The following CHSY3 variants were observed in gnomAD, a reference collection of about 807,000 sequenced individuals.
The protein encoded by CHSY3 is N-acetylgalactosaminyl-proteoglycan 3-beta-glucuronosyltransferase 3.
CHSY3 carries 35 observed loss-of-function variants against 67.2 expected under a neutral mutation model. The observed-to-expected ratio is 0.52, with a 90% CI of 0.40 to 0.69. The LOEUF is 0.69. CHSY3 is among the 30% of genes least tolerant of loss of function. CHSY3 has a pLI of 0.00. For synonymous variants in CHSY3, 474 were observed against 434.7 expected, an observed-to-expected ratio of 1.09 and a Z score of -1.12; for missense variants, 1,069 against 1,138.5, an observed-to-expected ratio of 0.94 and a Z score of 0.88.
intron 2 of CHSY3, among the ~76,000 whole-genome samples, chr5:129,993,138 AGCTTATGTGACAT>A (rs1229066784): frequency 1.3e-5 from 2 of 152,156 alleles, no homozygotes; most frequent in Non-Finnish European, 2.9e-5. Flanking sequence ...TTAAGCTCAA[AGCTTATGTGACAT>A]GCTCAAGTTT....
At chr5:130,132,002 C>A (rs1199230381) in intron 2 of CHSY3, among the ~76,000 whole-genome samples, 4 of 152,178 alleles carry the variant, frequency 2.6e-5, no homozygotes, top group African/African-American at 4.8e-5. Context: ...CCCAAAGGCC[C>A]CCACTGGCCA....
chr5:130,018,018 T>C (rs1764262818), intron 2 of CHSY3, among the ~76,000 whole-genome samples: 1 of 152,328 alleles, frequency 6.6e-6, no homozygotes. Context: ...GGTAATCTGA[T>C]GTGGATCTTG....
intron 2 of CHSY3, among the ~76,000 whole-genome samples, chr5:129,945,457 T>A (rs1274957080): frequency 6.6e-6 from 1 of 152,136 alleles, no homozygotes; most frequent in East Asian, 1.9e-4. Flanking sequence ...AATACTTAAT[T>A]TATAAAATTT....
chr5:130,054,316 A>G (rs939606807), intron 2 of CHSY3, among the ~76,000 whole-genome samples: 4 of 152,160 alleles, frequency 2.6e-5, no homozygotes, highest in African/African-American at 9.7e-5. Context: ...GATATTAATC[A>G]TACTTAATCT....
intron 2 of CHSY3, among the ~76,000 whole-genome samples, chr5:130,038,758 A>T (rs1482311584): frequency 6.6e-6 from 1 of 152,126 alleles, no homozygotes; most frequent in African/African-American, 2.4e-5. Context: ...GGAATGGTTT[A>T]TCTGCACTGC....
At chr5:129,948,979 G>A (rs915176069) in intron 2 of CHSY3, among the ~76,000 whole-genome samples, 4 of 152,280 alleles carry the variant, frequency 2.6e-5, no homozygotes, top group Middle Eastern at 3.4e-3. Flanking sequence ...CCCACCCGGA[G>A]ATTGCAAAGG....
intron 2 of CHSY3, among the ~76,000 whole-genome samples, chr5:130,034,026 G>A (rs1465938459): frequency 2.0e-5 from 3 of 152,202 alleles, no homozygotes; most frequent in East Asian, 1.9e-4. Flanking sequence ...GAGGATCTGC[G>A]AATAACATCT....
At chr5:130,008,221 C>A (rs1561494389) in intron 2 of CHSY3, among the ~76,000 whole-genome samples, 1 of 152,074 alleles carries the variant, frequency 6.6e-6, no homozygotes, top group African/African-American at 2.4e-5. Flanking sequence ...TTGCTGCCCA[C>A]CCCCCATACC....
rs757142699 is a variant in CHSY3 at position 130,185,186 on chromosome 5, C to T, written c.2044C>T (p.Pro682Ser). The change falls in exon 3 of 3, where the codon CCC becomes TCC. Residue 682 changes from proline to serine, a missense_variant. By Grantham distance (74) the Pro-to-Ser change is moderately conservative. This residue lies in a region of CHSY3 where 401 missense variants were observed against 395.2 expected (regional missense o/e 1.01). Coordinates refer to ENST00000305031, the MANE Select transcript of CHSY3 (RefSeq NM_175856.5). Reference protein sequence around the residue: ...ELIKGYQNKYPKAEMTLIPMK... With the variant: ...ELIKGYQNKYSKAEMTLIPMK... ...GATAAAAGGGTACCAGAACAAGTAC[C>T]CCAAAGCAGAAATGACCCTGATCCC... is the stretch of plus-strand genomic sequence containing the variant. 6.2e-7 allele frequency: 1 copy of T among 1,611,476 alleles called. No homozygotes were observed. The highest frequency in any genetic ancestry group is 1.1e-5 in the South Asian group (1 of 91,010).
intron 2 of CHSY3, among the ~76,000 whole-genome samples, chr5:129,912,259 A>C (rs1425541255): frequency 6.6e-6 from 1 of 152,204 alleles, no homozygotes; most frequent in African/African-American, 2.4e-5. Flanking sequence ...ACAGATCTAC[A>C]TAAGGAAAAA....
chr5:130,158,529 A>C (rs1314572708), intron 2 of CHSY3, among the ~76,000 whole-genome samples: 1 of 152,224 alleles, frequency 6.6e-6, no homozygotes, highest in Non-Finnish European at 1.5e-5. Context: ...GATCAGATAA[A>C]AGGCATTTAT....
chr5:130,038,363 G>A (rs1297142916), intron 2 of CHSY3, among the ~76,000 whole-genome samples: 1 of 151,882 alleles, frequency 6.6e-6, no homozygotes, highest in Non-Finnish European at 1.5e-5. Flanking sequence ...TTCTTATTAA[G>A]CTCGAAAATA....
intron 2 of CHSY3, among the ~76,000 whole-genome samples, chr5:129,982,882 T>A (rs886981746): frequency 3.9e-5 from 6 of 152,098 alleles, no homozygotes; most frequent in African/African-American, 1.2e-4. Context: ...CAAAGCAGCT[T>A]TAAGAGTTAC....
At chr5:130,002,365 A>T (rs1226923195) in intron 2 of CHSY3, among the ~76,000 whole-genome samples, 1 of 152,128 alleles carries the variant, frequency 6.6e-6, no homozygotes, top group East Asian at 1.9e-4. Flanking sequence ...TGTGTTTAGG[A>T]TGCCAGCTGT....
At chr5:130,153,216 G>A (rs1769278851) in intron 2 of CHSY3, among the ~76,000 whole-genome samples, 1 of 152,026 alleles carries the variant, frequency 6.6e-6, no homozygotes, top group East Asian at 1.9e-4. Flanking sequence ...TCTAGCCTGG[G>A]GACCTGGGCA....
chr5:129,942,325 T>C (rs550626260), intron 2 of CHSY3, among the ~76,000 whole-genome samples: 3 of 152,286 alleles, frequency 2.0e-5, no homozygotes, highest in Non-Finnish European at 4.4e-5. Flanking sequence ...GAACACTAAA[T>C]TTGTTTTATT....
At chr5:130,154,901 A>G (rs184116031) in intron 2 of CHSY3, among the ~76,000 whole-genome samples, 157 of 152,332 alleles carry the variant, frequency 1.0e-3, no homozygotes, top group Non-Finnish European at 1.7e-3. Context: ...ACTTGCATCC[A>G]GATCACCTGG....
rs1051662030 is a variant in CHSY3, at chr5:130,165,379, T to A, written c.1087-18850T>A. On this transcript the variant is annotated intron_variant, in intron 2 of 2. Coordinates refer to ENST00000305031, the MANE Select transcript of CHSY3 (RefSeq NM_175856.5). ...GATATAATAATGATTTATAATGATA[T>A]ATTAGGGCTAACTCTTGACATGACA... 3.3e-5 allele frequency among the ~76,000 whole-genome samples: 5 copies of A among 152,166 alleles called. No homozygotes were observed. The East Asian group carries it at 9.6e-4, about 29-fold the overall frequency.
At chr5:130,184,202 C>T (rs775669247) in intron 2 of CHSY3, 27 bp from the exon 3 acceptor site, 25 of 1,427,498 alleles carry the variant, frequency 1.8e-5, no homozygotes, top group African/African-American at 5.8e-5. Context: ...TAAAATTAAC[C>T]CTGATTTTTT....
Sources: allele counts gnomAD v4.1 joint callset (sites outside exome capture counted in the v4.1 genomes callset), GRCh38; gene constraint gnomAD v4.1.1; regional missense constraint gnomAD v4.1.1; transcripts MANE v1.5; gene names NCBI Gene and HGNC (gene_info 2026-07-23, HGNC 2026-07-21).